The following HECW2 variants were observed in gnomAD, a reference collection of about 807,000 sequenced individuals.
The protein encoded by HECW2 is HECT, C2 and WW domain containing E3 ubiquitin protein ligase 2.
In HECW2, 61 loss-of-function variants were observed where a neutral mutation model predicts 175.2. The observed-to-expected ratio is 0.35, with a 90% CI of 0.28 to 0.43. The LOEUF is 0.43. Among genes scored for constraint, HECW2 ranks in the 20% least tolerant of loss-of-function variants. The pLI is 1.00. For missense variants in HECW2, 1,524 were observed against 2,000.5 expected (o/e 0.76, Z 4.54); for synonymous variants, 671 against 731.0 (o/e 0.92, Z 1.32).
chr2:196,527,932 A>G (rs765776947), intron 1 of HECW2, among the ~76,000 whole-genome samples: 1 of 152,206 alleles, frequency 6.6e-6, no homozygotes, highest in Non-Finnish European at 1.5e-5. Context: ...TTCACTTCTG[A>G]TTATTTCCAC....
chr2:196,224,972 T>C (rs1687797535), intron 23 of HECW2, among the ~76,000 whole-genome samples: 1 of 152,190 alleles, frequency 6.6e-6, no homozygotes, highest in Non-Finnish European at 1.5e-5. Context: ...TTGCTTTCAT[T>C]TGAGGTCTAG....
intron 2 of HECW2, among the ~76,000 whole-genome samples, chr2:196,403,177 G>A (rs1033390504): frequency 6.6e-6 from 1 of 152,138 alleles, no homozygotes; most frequent in African/African-American, 2.4e-5. Context: ...GTAGGACACA[G>A]ACATAGGCAT....
chr2:196,362,114 T>G (rs1333095251), intron 2 of HECW2: 2 of 985,246 alleles, frequency 2.0e-6, no homozygotes, highest in Non-Finnish European at 2.4e-6. Flanking sequence ...CTGTCCAGTA[T>G]GAATGACACT....
At chr2:196,519,577 G>C (rs1210087593) in intron 1 of HECW2, among the ~76,000 whole-genome samples, 1 of 152,112 alleles carries the variant, frequency 6.6e-6, no homozygotes. Flanking sequence ...CTCATCTCTT[G>C]AGATCAGGCC....
At chr2:196,373,622 T>G (rs1693965149) in intron 2 of HECW2, among the ~76,000 whole-genome samples, 1 of 152,088 alleles carries the variant, frequency 6.6e-6, no homozygotes, top group African/African-American at 2.4e-5. Flanking sequence ...TACAAACATC[T>G]CAAACTTAAA....
chr2:196,228,405 G>A, intron 21 of HECW2, 151 bp from the exon 22 acceptor site: 1 of 703,668 alleles, frequency 1.4e-6, no homozygotes. Context: ...AATGATCATA[G>A]TTTCTGATCT....
At chr2:196,516,767 T>C (rs1393858749) in intron 1 of HECW2, among the ~76,000 whole-genome samples, 5 of 152,182 alleles carry the variant, frequency 3.3e-5, no homozygotes, top group Non-Finnish European at 7.4e-5. Context: ...AGGCATTAAA[T>C]TACATTGAAT....
chr2:196,429,947 A>G (rs756395100), intron 2 of HECW2, among the ~76,000 whole-genome samples: 4 of 152,204 alleles, frequency 2.6e-5, no homozygotes, highest in Non-Finnish European at 4.4e-5. Flanking sequence ...GCAGCTTTAC[A>G]GGGCTGAGAG....
intron 23 of HECW2, 97 bp from the exon 24 acceptor site, chr2:196,222,437 A>C: frequency 2.6e-6 from 3 of 1,145,330 alleles, no homozygotes; most frequent in South Asian, 3.1e-5. Flanking sequence ...AGAGAAGAAT[A>C]AGAGCCACTA....
rs781245346 is a variant in HECW2, at chr2:196,278,580, G to A, written c.3083C>T (p.Ala1028Val). 6.8e-6 allele frequency: 11 copies of A among 1,613,928 alleles called. No individual in the cohort carries two copies. The highest frequency in any genetic ancestry group is 1.1e-5 in the South Asian group (1 of 91,086). ...LPLQSSRPTS[A>V]LVHRQHLTRQ... Reference sequence around the variant, plus strand: ...TGTCAGGTGTTGCCGATGAACCAGCGCACTTGTGGGTCTACTGCTCTGAAG... The same window carrying A: ...TGTCAGGTGTTGCCGATGAACCAGCACACTTGTGGGTCTACTGCTCTGAAG... Residue 1028 changes from alanine to valine, a missense_variant, in exon 15 of 29, where the codon GCG becomes GTG. Physicochemically the swap from Ala to Val is moderately conservative, Grantham distance 64 (BLOSUM62 0). This residue lies in a region of HECW2 where 291 missense variants were observed against 412.2 expected (regional missense o/e 0.71). Transcript: ENST00000644978.
chr2:196,592,794 C>A (rs979138969), intron 1 of HECW2: 3 of 151,606 alleles, frequency 2.0e-5, no homozygotes, highest in African/African-American at 7.2e-5. Context: ...CCCGTCGCCA[C>A]AAGCTGCGGG....
At chr2:196,329,770 G>A in intron 4 of HECW2, 120 bp from the exon 5 acceptor site, 1 of 702,958 alleles carries the variant, frequency 1.4e-6, no homozygotes. Context: ...ATTGTATCAT[G>A]TGTCCTTTCA....
At chr2:196,242,455 TC>T in intron 19 of HECW2, 1 of 460,078 alleles carries the variant, frequency 2.2e-6, no homozygotes. Context: ...CCCATGTGTT[TC>T]TCAAGTATGT....
chr2:196,312,718 C>T (rs988830091), intron 10 of HECW2, among the ~76,000 whole-genome samples: 2 of 152,110 alleles, frequency 1.3e-5, no homozygotes, highest in African/African-American at 2.4e-5. Flanking sequence ...TTTATTTGAA[C>T]AAAAAGTTTT....
chr2:196,487,596 C>T (rs958876265), intron 1 of HECW2, among the ~76,000 whole-genome samples: 2 of 152,174 alleles, frequency 1.3e-5, no homozygotes, highest in African/African-American at 4.8e-5. Flanking sequence ...ACAGCACCAG[C>T]AGAAGGGGTG....
intron 1 of HECW2, among the ~76,000 whole-genome samples, chr2:196,536,047 C>A (rs1689009378): frequency 6.6e-6 from 1 of 151,972 alleles, no homozygotes; most frequent in South Asian, 2.1e-4. Flanking sequence ...AATTTGGGAG[C>A]ACTTTAGAAC....
chr2:196,478,995 C>T (rs1020532528), intron 1 of HECW2, among the ~76,000 whole-genome samples: 1 of 152,196 alleles, frequency 6.6e-6, no homozygotes, highest in Non-Finnish European at 1.5e-5. Context: ...TGAGGGCCAA[C>T]AAGAGGGGTA....
intron 1 of HECW2, among the ~76,000 whole-genome samples, chr2:196,494,829 T>C (rs115474631): frequency 0.016 from 2,422 of 152,292 alleles, 31 homozygotes; most frequent in Middle Eastern, 0.031. Context: ...ACTGAGCATT[T>C]GATGAGGCTG....
At chr2:196,592,388 C>T (rs1691230452) in intron 1 of HECW2, 1 of 152,198 alleles carries the variant, frequency 6.6e-6, no homozygotes, top group Non-Finnish European at 1.5e-5. Context: ...AAGATGTTCT[C>T]TAAATTAATA....
Sources: allele counts gnomAD v4.1 joint callset (sites outside exome capture counted in the v4.1 genomes callset), GRCh38; gene constraint gnomAD v4.1.1; regional missense constraint gnomAD v4.1.1; transcripts MANE v1.5; gene names NCBI Gene and HGNC (gene_info 2026-07-23, HGNC 2026-07-21).